Variants in KIAA0930 observed in about 807,000 individuals in gnomAD.
KIAA0930 encodes the protein uncharacterized protein KIAA0930.
Under a neutral mutation model 43.9 loss-of-function variants are expected in KIAA0930, and 24 were observed. The ratio of observed to expected loss-of-function variants is 0.55; its 90% confidence interval spans 0.40 to 0.77. The LOEUF (loss-of-function observed/expected upper bound fraction) is 0.77, where lower values mean the gene tolerates loss of function less well. Ranked by LOEUF, KIAA0930 falls within the 30% of genes least tolerant of loss-of-function variation. The pLI is 0.00. For synonymous variants in KIAA0930, 259 were observed against 216.4 expected, an observed-to-expected ratio of 1.20 and a Z score of -1.73; for missense variants, 461 against 574.2, an observed-to-expected ratio of 0.80 and a Z score of 2.02.
At chr22:45,213,159 G>A (rs1454135668) in intron 1 of KIAA0930, among the ~76,000 whole-genome samples, 5 of 152,076 alleles carry the variant, frequency 3.3e-5, no homozygotes, top group Non-Finnish European at 7.4e-5. Context: ...ACCAGGACTC[G>A]GCCACTAGCT....
At chr22:45,200,066 A>G in intron 7 of KIAA0930, 31 bp from the exon 8 acceptor site, 1 of 1,571,440 alleles carries the variant, frequency 6.4e-7, no homozygotes, top group Non-Finnish European at 8.6e-7. Flanking sequence ...TCACCAGAGT[A>G]GCAGAACAGC....
intron 2 of KIAA0930, among the ~76,000 whole-genome samples, chr22:45,209,113 G>A (rs2083668396): frequency 6.6e-6 from 1 of 152,206 alleles, no homozygotes; most frequent in African/African-American, 2.4e-5. Context: ...GGGGTTCCTG[G>A]CATCCTGTCC....
At chr22:45,209,258 C>T (rs1396982359) in intron 2 of KIAA0930, among the ~76,000 whole-genome samples, 3 of 152,304 alleles carry the variant, frequency 2.0e-5, no homozygotes, top group East Asian at 3.9e-4. Context: ...CCGCAGAGGA[C>T]TTGCAGTGCG....
Position 45,205,207 on chromosome 22 carries a change from C to A in KIAA0930, c.516+10G>T. On this transcript the variant is annotated intron_variant, in intron 5 of 9. Transcript: ENST00000336156. ...GGAAGCTAAGGAGAGAGGCCCTGTGCAGAGCTCACCTCCTCGAAGCTGTCA... is the reference window on the plus strand; with the variant it reads ...GGAAGCTAAGGAGAGAGGCCCTGTGAAGAGCTCACCTCCTCGAAGCTGTCA... 6.2e-7 allele frequency: 1 copy of A among 1,606,376 alleles called. No homozygotes were observed. The highest frequency in any genetic ancestry group is 1.3e-5 in the African/African-American group (1 of 74,884).
chr22:45,207,027 G>A (rs1445907586), intron 2 of KIAA0930, among the ~76,000 whole-genome samples: 1 of 150,282 alleles, frequency 6.7e-6, no homozygotes, highest in Non-Finnish European at 1.5e-5. Flanking sequence ...ATTGTTTTGA[G>A]ACGGAGTCTC....
chr22:45,205,170 C>G, intron 5 of KIAA0930, 47 bp downstream of exon 5: 1 of 1,489,332 alleles, frequency 6.7e-7, no homozygotes, highest in South Asian at 1.1e-5. Flanking sequence ...TAACACCCAT[C>G]TCACGAGAAG....
chr22:45,239,295 T>C (rs1446567109), intron 1 of KIAA0930, among the ~76,000 whole-genome samples: 3 of 152,268 alleles, frequency 2.0e-5, no homozygotes, highest in Non-Finnish European at 4.4e-5. Context: ...TGGCACACAG[T>C]AGGTGCTCAA....
intron 7 of KIAA0930, chr22:45,202,675 A>C (rs1185914714): frequency 3.9e-6 from 1 of 258,728 alleles, no homozygotes; most frequent in Non-Finnish European, 7.3e-6. Context: ...CTGTGGACTC[A>C]GCCTGGCTTT....
intron 7 of KIAA0930, 147 bp downstream of exon 7, chr22:45,202,843 G>A (rs2083601069): frequency 1.5e-6 from 1 of 645,262 alleles, no homozygotes; most frequent in Admixed American, 3.4e-5. Flanking sequence ...GGGTGGTCCG[G>A]GCCTCCGCAC....
intron 1 of KIAA0930, 190 bp from the exon 2 acceptor site, chr22:45,212,297 T>C: frequency 3.1e-6 from 5 of 1,612,760 alleles, no homozygotes; most frequent in Non-Finnish European, 4.2e-6. Context: ...GGAGGACACC[T>C]CCCAGGAGGC....
At chr22:45,227,916 C>T (rs1455261356) in intron 1 of KIAA0930, among the ~76,000 whole-genome samples, 1 of 152,166 alleles carries the variant, frequency 6.6e-6, no homozygotes, top group Non-Finnish European at 1.5e-5. Flanking sequence ...CCACTGTGTG[C>T]GGGGGCAGCT....
intron 2 of KIAA0930, chr22:45,211,354 T>G (rs1489662821): frequency 2.5e-6 from 1 of 398,566 alleles, no homozygotes; most frequent in Non-Finnish European, 4.4e-6. Context: ...TGTATTTTAT[T>G]AGCTCCTCCC....
In KIAA0930 at chr22:45,203,836, C is replaced by T. The variant is rs759221159; in HGVS notation, c.657+9G>A. 1.2e-5 allele frequency: 20 copies of T among 1,613,320 alleles called. No homozygotes were observed. The highest frequency in any genetic ancestry group is 5.5e-5 in the South Asian group (5 of 91,004). The stretch of plus-strand genomic sequence containing the variant: ...CAGAAGAACACCCGTGAGGCCGCCC[C>T]GCACTCACCCGGTTGTCATACACCT... On this transcript the variant is annotated intron_variant, in intron 6 of 9. Coordinates refer to ENST00000336156, the MANE Select transcript of KIAA0930 (RefSeq NM_001009880.2).
chr22:45,232,734 C>T (rs893583232), intron 1 of KIAA0930, among the ~76,000 whole-genome samples: 2 of 152,202 alleles, frequency 1.3e-5, no homozygotes, highest in Non-Finnish European at 2.9e-5. Context: ...GGAGTCACAT[C>T]TTCTCCCAGG....
At chr22:45,200,894 G>T (rs1024758172) in intron 7 of KIAA0930, 6 of 473,302 alleles carry the variant, frequency 1.3e-5, no homozygotes, top group African/African-American at 1.2e-4. Context: ...GGAAATCAGG[G>T]AAGGCTTCCT....
At chr22:45,236,985 T>C (rs2147769639) in intron 1 of KIAA0930, among the ~76,000 whole-genome samples, 1 of 152,200 alleles carries the variant, frequency 6.6e-6, no homozygotes, top group South Asian at 2.1e-4. Flanking sequence ...TCACACCAGG[T>C]CTTGGGCCCA....
chr22:45,218,104 G>T (rs139862503), intron 1 of KIAA0930, among the ~76,000 whole-genome samples: 27 of 152,280 alleles, frequency 1.8e-4, no homozygotes, highest in African/African-American at 6.5e-4. Flanking sequence ...CTGGTTTCAG[G>T]AGCGAGGAAC....
chr22:45,222,187 TTAAAAG>T (rs747792464), intron 1 of KIAA0930, among the ~76,000 whole-genome samples: 34 of 152,322 alleles, frequency 2.2e-4, no homozygotes, highest in Middle Eastern at 3.4e-3. Context: ...ACTTTTAATG[TTAAAAG>T]TAAAACTATA....
chr22:45,232,083 G>A (rs1311809129), intron 1 of KIAA0930, among the ~76,000 whole-genome samples: 2 of 152,220 alleles, frequency 1.3e-5, no homozygotes, highest in Non-Finnish European at 2.9e-5. Context: ...GAAAGAACCA[G>A]AAGGGAGAAG....
Sources: gnomAD v4.1 joint callset for allele counts (sites outside exome capture counted in the v4.1 genomes callset) on GRCh38, gnomAD v4.1.1 for gene constraint, MANE v1.5 for transcripts, NCBI Gene and HGNC (gene_info 2026-07-23, HGNC 2026-07-21) for gene names.